BCO2: variants seen among roughly 807,000 people sequenced by gnomAD.
The protein encoded by BCO2 is carotenoid-cleaving dioxygenase, mitochondrial.
In BCO2, 56 loss-of-function variants were observed where a neutral mutation model predicts 65.8. The observed-to-expected ratio is 0.85, with a 90% CI of 0.69 to 1.06. The LOEUF (loss-of-function observed/expected upper bound fraction) is 1.06, where lower values mean the gene tolerates loss of function less well. Among genes scored for constraint, BCO2 ranks in the 50% least tolerant of loss-of-function variants. The pLI, the probability that BCO2 is intolerant of heterozygous loss-of-function variation, is 0.00. For missense variants in BCO2, 675 were observed against 698.5 expected (o/e 0.97, Z 0.38); for synonymous variants, 233 against 242.3 (o/e 0.96, Z 0.36).
At chr11:112,179,255 T>G in intron 1 of BCO2, 23 bp from the exon 2 acceptor site, 1 of 1,605,384 alleles carries the variant, frequency 6.2e-7, no homozygotes, top group Non-Finnish European at 8.5e-7. Context: ...ATATTTTTTG[T>G]GCTTTTGGTT....
At position 112,213,643 on chromosome 11, in the gene BCO2, G is replaced by T. The variant is rs1439998297; in HGVS notation, c.1195-81G>T. 4 of 1,312,116 alleles carry T rather than the reference G, an allele frequency of 3.0e-6. No homozygotes were observed. The East Asian group carries it at 9.3e-5, about 30-fold the overall frequency. The allele number at this position is 1,312,116 out of a possible 1,614,324, so 81.3% of individuals were successfully genotyped here. A position where few individuals can be genotyped will look rare whatever the true frequency, so the allele number is the denominator to read the frequency against. ...TATTTAAATATTTAGGAATGCCAATGATGTTGACTGGATCTAAATTATTGG... is the reference window on the plus strand; with the variant it reads ...TATTTAAATATTTAGGAATGCCAATTATGTTGACTGGATCTAAATTATTGG... On this transcript the variant is annotated intron_variant, in intron 8 of 11. Coordinates refer to ENST00000357685, the MANE Select transcript of BCO2 (RefSeq NM_031938.7).
At chr11:112,194,551 A>G (rs1342454431) in intron 4 of BCO2, 102 bp from the exon 5 acceptor site, 1 of 721,946 alleles carries the variant, frequency 1.4e-6, no homozygotes, top group Admixed American at 2.7e-5. Flanking sequence ...CTTACATTGC[A>G]GTTTTCTTAT....
At chr11:112,193,020 C>T (rs1867443938) in intron 2 of BCO2, among the ~76,000 whole-genome samples, 1 of 140,752 alleles carries the variant, frequency 7.1e-6, no homozygotes, top group African/African-American at 2.6e-5. Flanking sequence ...CTCTGTCGCC[C>T]AGGCTGAAGT....
At chr11:112,214,992 C>T (rs1225636603) in intron 10 of BCO2, 48 bp downstream of exon 10, 1 of 1,553,224 alleles carries the variant, frequency 6.4e-7, no homozygotes, top group Non-Finnish European at 8.9e-7. Flanking sequence ...ACCTGTTCTT[C>T]CCTTTGAATT....
intron 8 of BCO2, among the ~76,000 whole-genome samples, chr11:112,212,838 A>G (rs148205439): frequency 8.1e-4 from 124 of 152,328 alleles, no homozygotes; most frequent in African/African-American, 2.4e-3. Context: ...GTTAGCATAA[A>G]CTATCTGGAC....
chr11:112,175,535 GT>G lies in BCO2; in HGVS notation c.-64del, dbSNP rs1188733340. The G allele has an allele frequency of 1.7e-6, 2 of 1,180,300 alleles. No individual in the cohort carries two copies. Among genetic ancestry groups the G allele is most frequent in the Non-Finnish European group, 2.5e-6 (2 of 788,088 alleles). 73.1% of individuals were successfully genotyped at this position (1,180,300 alleles called of 1,614,324 possible). A position where few individuals can be genotyped will look rare whatever the true frequency, so the allele number is the denominator to read the frequency against. ...CCAGGCAGTTCTGTGCGTGTTCACTGTTTAGTAGTACTCAAAACTGCCAGTG... is the reference window on the plus strand; with the variant it reads ...CCAGGCAGTTCTGTGCGTGTTCACTGTTAGTAGTACTCAAAACTGCCAGTG... On this transcript the variant is annotated 5_prime_UTR_variant, in exon 1 of 12. Coordinates refer to ENST00000357685, the MANE Select transcript of BCO2 (RefSeq NM_031938.7).
intron 2 of BCO2, among the ~76,000 whole-genome samples, chr11:112,189,189 A>T (rs1867294560): frequency 6.6e-6 from 1 of 152,118 alleles, no homozygotes; most frequent in Non-Finnish European, 1.5e-5. Context: ...GGGAAAGCAG[A>T]TTACCAAAAT....
At chr11:112,183,493 G>C (rs1408494689) in intron 2 of BCO2, among the ~76,000 whole-genome samples, 1 of 152,092 alleles carries the variant, frequency 6.6e-6, no homozygotes, top group South Asian at 2.1e-4. Flanking sequence ...TATTATATTT[G>C]CTTTTAAATA....
intron 2 of BCO2, chr11:112,182,986 GA>G (rs1186890306): frequency 9.4e-7 from 1 of 1,063,216 alleles, no homozygotes; most frequent in African/African-American, 1.6e-5. Context: ...CAGATGACAG[GA>G]ATTAACCTGA....
chr11:112,206,251 G>T (rs1343008286), intron 8 of BCO2, among the ~76,000 whole-genome samples: 1 of 150,442 alleles, frequency 6.6e-6, no homozygotes. Flanking sequence ...CAGCGGCCGG[G>T]CAGAGGCGCT....
chr11:112,217,864 T>A lies in BCO2; in HGVS notation c.1730T>A (p.Ile577Lys). 1 of 1,609,912 alleles carries A rather than the reference T, an allele frequency of 6.2e-7. No homozygotes were observed. The highest frequency in any genetic ancestry group is 8.5e-7 in the Non-Finnish European group (1 of 1,176,814). ...QMPYGFHGTF[I>K]PI Reference sequence around the variant, plus strand: ...CCTTATGGGTTCCATGGTACCTTCATACCCATCTGATGGGACAACCACAAG... The same window carrying A: ...CCTTATGGGTTCCATGGTACCTTCAAACCCATCTGATGGGACAACCACAAG... Residue 577 changes from isoleucine (I) to lysine (K), a missense_variant, in exon 12 of 12, where the codon ATA (isoleucine) becomes AAA (lysine). Transcript: ENST00000357685.
chr11:112,213,131 CTTTTTTTTTTTTT>C lies in BCO2; in HGVS notation c.1195-576_1195-564del, dbSNP rs35527541. Among the ~76,000 whole-genome samples, 54 of 63,120 alleles carry C rather than the reference CTTTTTTTTTTTTT, an allele frequency of 8.6e-4. No homozygotes were observed. In the Admixed American group the frequency reaches 0.011, roughly 12 times the overall value. 41.4% of individuals were successfully genotyped at this position (63,120 alleles called of 152,430 possible). On this transcript the variant is annotated intron_variant, in intron 8 of 11. Coordinates refer to ENST00000357685, the MANE Select transcript of BCO2 (RefSeq NM_031938.7). ...TGTTTATTTGATGCTAATTAAATAACTTTTTTTTTTTTTTTTTTTTTTTTTTTTTGTGACGGAG... is the reference window on the plus strand; with the variant it reads ...TGTTTATTTGATGCTAATTAAATAACTTTTTTTTTTTTTTTTGTGACGGAG...
chr11:112,197,670 A>T (rs1458182693), intron 5 of BCO2, among the ~76,000 whole-genome samples: 1 of 152,172 alleles, frequency 6.6e-6, no homozygotes, highest in African/African-American at 2.4e-5. Context: ...CACTTGAATG[A>T]CTGCAATAGC....
chr11:112,180,381 G>A (rs1288952525), intron 2 of BCO2, among the ~76,000 whole-genome samples: 3 of 152,142 alleles, frequency 2.0e-5, no homozygotes, highest in Admixed American at 1.3e-4. Flanking sequence ...AGTGTTATCA[G>A]TGTCTGGTAT....
chr11:112,217,949 A>C lies in BCO2; in HGVS notation c.*75A>C. 9.3e-7 allele frequency: 1 copy of C among 1,078,394 alleles called. No individual in the cohort carries two copies. The highest frequency in any genetic ancestry group is 1.4e-6 in the Non-Finnish European group (1 of 732,154). The allele number at this position is 1,078,394 out of a possible 1,614,324, so 66.8% of individuals were successfully genotyped here. On this transcript the variant is annotated 3_prime_UTR_variant, in exon 12 of 12. Coordinates refer to ENST00000357685, the MANE Select transcript of BCO2 (RefSeq NM_031938.7). Reference sequence around the variant, plus strand: ...GGACATAAAGACTGGAGAAATAAACACTGAGGACTCCAAAAGGGGGGCAAG... The same window carrying C: ...GGACATAAAGACTGGAGAAATAAACCCTGAGGACTCCAAAAGGGGGGCAAG...
At chr11:112,179,685 A>C (rs1866978992) in intron 2 of BCO2, 2 of 578,466 alleles carry the variant, frequency 3.5e-6, no homozygotes, top group Non-Finnish European at 6.1e-6. Context: ...AGACTATTGT[A>C]AATTTGAAGC....
chr11:112,188,012 T>C (rs1867250739), intron 2 of BCO2, among the ~76,000 whole-genome samples: 1 of 152,148 alleles, frequency 6.6e-6, no homozygotes, highest in Admixed American at 6.6e-5. Context: ...AGATGGCACT[T>C]ATCTCACTGG....
chr11:112,176,517 C>CGGGGGGG (rs35450963), intron 1 of BCO2: 1 of 46,738 alleles, frequency 2.1e-5, no homozygotes, highest in African/African-American at 8.8e-5. Flanking sequence ...AATTGATTGG[C>CGGGGGGG]GGGGGGGGGG....
chr11:112,180,861 T>A, intron 2 of BCO2: 1 of 1,069,708 alleles, frequency 9.3e-7, no homozygotes, highest in Non-Finnish European at 1.5e-6. Flanking sequence ...TTGCTTTCTG[T>A]GGCCAGCAGT....
Sources: allele counts gnomAD v4.1 joint callset (sites outside exome capture counted in the v4.1 genomes callset), GRCh38; gene constraint gnomAD v4.1.1; transcripts MANE v1.5; gene names NCBI Gene and HGNC (gene_info 2026-07-23, HGNC 2026-07-21).